TAFA1: variants seen among roughly 807,000 people sequenced by gnomAD.
TAFA1 encodes TAFA chemokine like family member 1.
Under a neutral mutation model 18.5 loss-of-function variants are expected in TAFA1, and 4 were observed. That is an observed-to-expected ratio of 0.22 (90% confidence interval 0.11 to 0.49). TAFA1 has a LOEUF of 0.49. Ranked by LOEUF, TAFA1 falls within the 20% of genes least tolerant of loss-of-function variation. The pLI is 0.98. For synonymous variants in TAFA1, 56 were observed against 55.2 expected, an observed-to-expected ratio of 1.01 and a Z score of -0.06; for missense variants, 147 against 169.0, an observed-to-expected ratio of 0.87 and a Z score of 0.72.
chr3:68,340,065 T>C (rs2069053798), intron 2 of TAFA1, among the ~76,000 whole-genome samples: 1 of 152,326 alleles, frequency 6.6e-6, no homozygotes, highest in South Asian at 2.1e-4. Context: ...ATCAAAACAA[T>C]AAATTAAGCT....
chr3:68,310,460 C>T (rs2068495969), intron 2 of TAFA1, among the ~76,000 whole-genome samples: 1 of 152,122 alleles, frequency 6.6e-6, no homozygotes, highest in Non-Finnish European at 1.5e-5. Context: ...GTTTTAGTTC[C>T]TCATGTTCCT....
intron 2 of TAFA1, among the ~76,000 whole-genome samples, chr3:68,387,636 C>T (rs1375332887): frequency 6.6e-6 from 1 of 151,980 alleles, no homozygotes; most frequent in Non-Finnish European, 1.5e-5. Context: ...ATTTATTTTC[C>T]CAGATTTTCT....
chr3:68,465,047 A>C (rs917567416), intron 3 of TAFA1, among the ~76,000 whole-genome samples: 2 of 152,100 alleles, frequency 1.3e-5, no homozygotes, highest in African/African-American at 4.8e-5. Context: ...AATAATTCCA[A>C]TCCCCTTCGC....
intron 3 of TAFA1, among the ~76,000 whole-genome samples, chr3:68,448,607 A>ATT (rs1452096430): frequency 6.9e-6 from 1 of 145,638 alleles, no homozygotes; most frequent in Admixed American, 6.9e-5. Context: ...GAAAGAGGTG[A>ATT]TTTTTTTTTT....
chr3:68,429,527 A>T (rs1171574231), intron 3 of TAFA1, among the ~76,000 whole-genome samples: 1 of 151,854 alleles, frequency 6.6e-6, no homozygotes, highest in East Asian at 1.9e-4. Context: ...GATTCAGAGT[A>T]CCAGTTCACT....
intron 2 of TAFA1, among the ~76,000 whole-genome samples, chr3:68,172,922 G>T (rs1450138819): frequency 6.6e-6 from 1 of 152,070 alleles, no homozygotes; most frequent in African/African-American, 2.4e-5. Context: ...CTTTAGGGTG[G>T]TAAAATGTTC....
chr3:68,461,282 A>AAAACAAAC (rs3037407), intron 3 of TAFA1, among the ~76,000 whole-genome samples: 2,014 of 140,174 alleles, frequency 0.014, 25 homozygotes, highest in South Asian at 0.033. Context: ...ACTCTGCCAA[A>AAAACAAAC]AAACAAACAA....
intron 2 of TAFA1, among the ~76,000 whole-genome samples, chr3:68,400,837 A>G (rs1037082133): frequency 6.6e-6 from 1 of 152,172 alleles, no homozygotes; most frequent in African/African-American, 2.4e-5. Context: ...GGAATGTGCA[A>G]TCTTCCTAGA....
intron 2 of TAFA1, among the ~76,000 whole-genome samples, chr3:68,400,620 C>T (rs2070468016): frequency 1.3e-5 from 2 of 152,148 alleles, no homozygotes; most frequent in Admixed American, 6.5e-5. Flanking sequence ...CAATCAGATT[C>T]TTTAAGAGAC....
chr3:68,380,937 A>C (rs200464815), intron 2 of TAFA1, among the ~76,000 whole-genome samples: 10,051 of 149,988 alleles, frequency 0.067, 434 homozygotes, highest in East Asian at 0.14. Context: ...ATCTTGAATT[A>C]ATTTTTGTAT....
chr3:68,172,098 T>C (rs1262925842), intron 2 of TAFA1, among the ~76,000 whole-genome samples: 1 of 152,148 alleles, frequency 6.6e-6, no homozygotes, highest in Non-Finnish European at 1.5e-5. Context: ...AATCTACAGA[T>C]TGAAGCAGTT....
chr3:68,160,310 C>A (rs190278139), intron 2 of TAFA1, among the ~76,000 whole-genome samples: 86 of 152,272 alleles, frequency 5.6e-4, no homozygotes, highest in African/African-American at 2.0e-3. Flanking sequence ...CTCAACTCTG[C>A]AATGTAATAT....
intron 2 of TAFA1, among the ~76,000 whole-genome samples, chr3:68,088,886 C>CA (rs2065000910): frequency 6.6e-6 from 1 of 152,158 alleles, no homozygotes; most frequent in African/African-American, 2.4e-5. Flanking sequence ...GAAACGGCCA[C>CA]ATTCTGGCTC....
At chr3:68,125,703 C>T (rs1302849352) in intron 2 of TAFA1, among the ~76,000 whole-genome samples, 1 of 152,172 alleles carries the variant, frequency 6.6e-6, no homozygotes, top group Admixed American at 6.5e-5. Flanking sequence ...CCCCTCAGCT[C>T]ACCCCTCATT....
chr3:68,076,251 C>T (rs984396174), intron 2 of TAFA1, among the ~76,000 whole-genome samples: 3 of 150,164 alleles, frequency 2.0e-5, no homozygotes, highest in Non-Finnish European at 4.4e-5. Flanking sequence ...AGTCAACAAG[C>T]CATAAGGGGT....
the TAFA1 span, among the ~76,000 whole-genome samples, chr3:67,992,834 T>G: frequency 2.0e-5 from 3 of 152,196 alleles, no homozygotes; most frequent in Non-Finnish European, 4.4e-5. Flanking sequence ...GTAACCTTTT[T>G]CCTCAAAGAT....
chr3:68,461,314 C>CAAAT (rs1223571545), intron 3 of TAFA1, among the ~76,000 whole-genome samples: 1 of 145,770 alleles, frequency 6.9e-6, no homozygotes, highest in African/African-American at 2.6e-5. Context: ...AACAAACAAA[C>CAAAT]AAACCTGGCC....
At chr3:68,533,650 T>C (rs755179307) in intron 3 of TAFA1, among the ~76,000 whole-genome samples, 1 of 152,200 alleles carries the variant, frequency 6.6e-6, no homozygotes, top group Non-Finnish European at 1.5e-5. Flanking sequence ...AGAAGTCTAA[T>C]ATGCATTTGT....
At chr3:68,265,430 ACAC>A (rs1205215760) in intron 2 of TAFA1, among the ~76,000 whole-genome samples, 2 of 152,192 alleles carry the variant, frequency 1.3e-5, no homozygotes, top group Non-Finnish European at 2.9e-5. Flanking sequence ...GTAATTTAGC[ACAC>A]TCACACAGCA....
Sources: allele counts gnomAD v4.1 joint callset (sites outside exome capture counted in the v4.1 genomes callset), GRCh38; gene constraint gnomAD v4.1.1; transcripts MANE v1.5; gene names NCBI Gene and HGNC (gene_info 2026-07-23, HGNC 2026-07-21).